Variants in GALK2 observed in about 807,000 individuals in gnomAD.
GALK2 encodes galactokinase 2.
A neutral mutation model predicts 52.4 loss-of-function variants in GALK2; 36 were observed. That is an observed-to-expected ratio of 0.69 (90% CI 0.53 to 0.91). The LOEUF (loss-of-function observed/expected upper bound fraction) is 0.91, where lower values mean the gene tolerates loss of function less well. GALK2 is among the 40% of genes least tolerant of loss of function. The pLI is 0.00. For synonymous variants in GALK2, 176 were observed against 199.1 expected (o/e 0.88, Z 0.98); for missense variants, 579 against 559.1 (o/e 1.04, Z -0.36).
At chr15:49,156,282 A>T (rs2084445458) in intron 1 of GALK2, 2 of 481,906 alleles carry the variant, frequency 4.2e-6, no homozygotes, top group South Asian at 2.2e-5. Context: ...ACTGGTTTTT[A>T]AAAAATACAT....
At chr15:49,358,985 G>T (rs1311738411) in intron 3 of GALK2, among the ~76,000 whole-genome samples, 1 of 151,094 alleles carries the variant, frequency 6.6e-6, no homozygotes, top group South Asian at 2.1e-4. Context: ...CAAGCAATGG[G>T]GAAAGGATTC....
At chr15:49,194,277 G>C (rs2087016078) in intron 1 of GALK2, 1 of 152,028 alleles carries the variant, frequency 6.6e-6, no homozygotes, top group East Asian at 2.0e-4. Flanking sequence ...AGTGAGTCGA[G>C]ATCCGCCACT....
chr15:49,223,251 TTTTG>T (rs2089932777), intron 3 of GALK2: 1 of 152,220 alleles, frequency 6.6e-6, no homozygotes, highest in Non-Finnish European at 1.5e-5. Context: ...TTGATTCTGA[TTTTG>T]TTTATTTGGG....
At chr15:49,273,642 A>C (rs966006932) in intron 5 of GALK2, among the ~76,000 whole-genome samples, 14 of 151,928 alleles carry the variant, frequency 9.2e-5, no homozygotes, top group Admixed American at 3.3e-4. Context: ...AGTCTGCTTC[A>C]GTCTCTTTTA....
rs530813098 is a variant in GALK2 at position 49,164,421 on chromosome 15, A to G, written c.20+8405A>G. On this transcript the variant is annotated intron_variant, in intron 1 of 9. Transcript: ENST00000327171. ...AGGTGGGCAACATTGGATGGTTATG[A>G]CAAGGTGAGGAAAGAATTGTCTAGT... 4.6e-5 allele frequency among the ~76,000 whole-genome samples: 7 copies of G among 152,232 alleles called. No homozygotes were observed. The South Asian group carries it at 1.0e-3, about 23-fold the overall frequency.
In GALK2 at chr15:49,328,390, A is replaced by ATCTT. The variant is rs1555435201; in HGVS notation, c.*233_*236dup. The ATCTT allele has an allele frequency of 7.0e-7, 1 of 1,428,634 alleles. No homozygotes were observed. Among genetic ancestry groups the ATCTT allele is most frequent in the African/African-American group, 1.4e-5 (1 of 69,658 alleles). 88.5% of individuals were successfully genotyped at this position (1,428,634 alleles called of 1,614,324 possible). On this transcript the variant is annotated 3_prime_UTR_variant, in exon 10 of 10. Transcript: ENST00000560031. ...AAGAGCCAAGATCATGCTTGGACAG[A>ATCTT]TCTTTTAAGAATAACTTACTGAGAT...
In GALK2 at chr15:49,330,188, A is replaced by C. The variant is rs1017614401; in HGVS notation, c.*2029A>C. ...GCAGATGAGCAAAGCCTATGGGTAT[A>C]GGCAAACATGGTGTGTGTAGGAGGC... On this transcript the variant is annotated 3_prime_UTR_variant, in exon 10 of 10. Transcript: ENST00000560031. 2 of 152,300 alleles carry C rather than the reference A, an allele frequency of 1.3e-5. No individual in the cohort carries two copies. The highest frequency in any genetic ancestry group is 4.8e-5 in the African/African-American group (2 of 41,454). The allele number at this position is 152,300 out of a possible 1,614,324, so 9.4% of individuals were successfully genotyped here.
At chr15:49,242,880 A>G (rs1243573875) in intron 5 of GALK2, among the ~76,000 whole-genome samples, 4 of 152,348 alleles carry the variant, frequency 2.6e-5, no homozygotes, top group African/African-American at 9.6e-5. Context: ...TTTCTCAAAA[A>G]TCATTTCCAA....
intron 5 of GALK2, among the ~76,000 whole-genome samples, chr15:49,262,744 A>ATG (rs2092181305): frequency 7.2e-6 from 1 of 137,972 alleles, no homozygotes; most frequent in Non-Finnish European, 1.6e-5. Context: ...CTTTGAATGC[A>ATG]TCCCAGAGAT....
intron 3 of GALK2, among the ~76,000 whole-genome samples, chr15:49,350,324 A>T (rs1050887989): frequency 6.6e-6 from 1 of 152,186 alleles, no homozygotes; most frequent in African/African-American, 2.4e-5. Context: ...GCTAGTGGCT[A>T]CCATACTGGA....
At chr15:49,313,215 A>G (rs1284397628) in intron 8 of GALK2, among the ~76,000 whole-genome samples, 2 of 152,250 alleles carry the variant, frequency 1.3e-5, no homozygotes, top group Non-Finnish European at 2.9e-5. Context: ...AAAAGTAAGT[A>G]GAAATCCAGA....
At chr15:49,222,831 G>A (rs1329254546) in intron 3 of GALK2, among the ~76,000 whole-genome samples, 1 of 152,186 alleles carries the variant, frequency 6.6e-6, no homozygotes. Context: ...TATGTAAATA[G>A]GGATCTTGGC....
intron 3 of GALK2, among the ~76,000 whole-genome samples, chr15:49,218,952 A>T (rs1456849447): frequency 6.6e-6 from 1 of 152,140 alleles, no homozygotes; most frequent in East Asian, 1.9e-4. Flanking sequence ...CAGTCTCCGG[A>T]GTAGCTGGGA....
chr15:49,208,362 A>C (rs1396084994), intron 2 of GALK2, among the ~76,000 whole-genome samples: 2 of 152,032 alleles, frequency 1.3e-5, no homozygotes, highest in East Asian at 3.9e-4. Context: ...CATTATTGTC[A>C]TTCAGTTCAA....
intron 3 of GALK2, among the ~76,000 whole-genome samples, chr15:49,355,714 C>T (rs1172812388): frequency 4.6e-5 from 7 of 150,716 alleles, no homozygotes; most frequent in Non-Finnish European, 3.0e-5. Context: ...GGCAGGCCAA[C>T]GTTCAGATTC....
At chr15:49,323,966 A>G (rs1001250719) in intron 9 of GALK2, among the ~76,000 whole-genome samples, 1 of 152,246 alleles carries the variant, frequency 6.6e-6, no homozygotes, top group African/African-American at 2.4e-5. Flanking sequence ...TTTGTAGCCA[A>G]ACAAAATGTA....
At chr15:49,271,174 A>G (rs1026406625) in intron 5 of GALK2, among the ~76,000 whole-genome samples, 1 of 152,146 alleles carries the variant, frequency 6.6e-6, no homozygotes, top group African/African-American at 2.4e-5. Context: ...AGCCTTTACC[A>G]CAGGCATTGG....
At chr15:49,249,445 A>G (rs1460405981) in intron 5 of GALK2, among the ~76,000 whole-genome samples, 1 of 152,214 alleles carries the variant, frequency 6.6e-6, no homozygotes, top group African/African-American at 2.4e-5. Context: ...TTAACTTCAC[A>G]AGGATGACTC....
chr15:49,301,703 G>A (rs1369371600), intron 8 of GALK2, among the ~76,000 whole-genome samples: 1 of 152,052 alleles, frequency 6.6e-6, no homozygotes, highest in Non-Finnish European at 1.5e-5. Flanking sequence ...GGTTGGGGTG[G>A]CCCAGCTGCT....
Sources: allele counts gnomAD v4.1 joint callset (sites outside exome capture counted in the v4.1 genomes callset), GRCh38; gene constraint gnomAD v4.1.1; transcripts MANE v1.5; gene names NCBI Gene and HGNC (gene_info 2026-07-23, HGNC 2026-07-21).